Variants in CNTLN observed in about 807,000 individuals in gnomAD.
The protein encoded by CNTLN is centlein, centrosomal protein.
Under a neutral mutation model 180.0 loss-of-function variants are expected in CNTLN, and 212 were observed. That is an observed-to-expected ratio of 1.18 (90% CI 1.05 to 1.32). The LOEUF (loss-of-function observed/expected upper bound fraction) is 1.32, where lower values mean the gene tolerates loss of function less well. CNTLN is among the 40% of genes most tolerant of loss of function. The pLI is 0.00. For synonymous variants in CNTLN, 722 were observed against 563.1 expected (o/e 1.28, Z -3.99); for missense variants, 2,095 against 1,610.9 (o/e 1.30, Z -5.14).
intron 6 of CNTLN, among the ~76,000 whole-genome samples, chr9:17,274,077 C>T (rs536738482): frequency 3.3e-5 from 5 of 152,146 alleles, no homozygotes; most frequent in South Asian, 2.1e-4. Context: ...CGAGCATGGT[C>T]AAGGGGTACC....
chr9:17,325,590 T>C (rs1191107359), intron 8 of CNTLN, among the ~76,000 whole-genome samples: 1 of 148,414 alleles, frequency 6.7e-6, no homozygotes, highest in African/African-American at 2.5e-5. Context: ...CACACACACT[T>C]GACCCGTACT....
At chr9:17,350,113 AG>A (rs2133283444) in intron 12 of CNTLN, among the ~76,000 whole-genome samples, 1 of 152,374 alleles carries the variant, frequency 6.6e-6, no homozygotes, top group East Asian at 1.9e-4. Flanking sequence ...TGAAAGTATT[AG>A]TAAAAAAAGT....
chr9:17,477,244 A>C (rs931185546), intron 23 of CNTLN, among the ~76,000 whole-genome samples: 1 of 152,192 alleles, frequency 6.6e-6, no homozygotes, highest in African/African-American at 2.4e-5. Flanking sequence ...TAGTCACCCA[A>C]GAGCTTTGAT....
At chr9:17,453,523 A>G (rs1830923295) in intron 18 of CNTLN, among the ~76,000 whole-genome samples, 1 of 152,154 alleles carries the variant, frequency 6.6e-6, no homozygotes, top group South Asian at 2.1e-4. Flanking sequence ...ATCAGGACCC[A>G]TATTAATTTT....
intron 2 of CNTLN, among the ~76,000 whole-genome samples, chr9:17,172,722 G>C (rs1230744075): frequency 1.3e-5 from 2 of 151,978 alleles, no homozygotes; most frequent in Admixed American, 6.6e-5. Context: ...CTTAGAAAAG[G>C]CTGAACTTAG....
At chr9:17,453,491 A>G (rs984033111) in intron 18 of CNTLN, among the ~76,000 whole-genome samples, 4 of 152,204 alleles carry the variant, frequency 2.6e-5, no homozygotes, top group African/African-American at 9.7e-5. Flanking sequence ...AATAAGTTCT[A>G]GAAAGGTGTT....
intron 21 of CNTLN, 53 bp downstream of exon 21, chr9:17,464,676 A>G (rs1395820703): frequency 9.0e-7 from 1 of 1,116,086 alleles, no homozygotes; most frequent in Non-Finnish European, 1.3e-6. Flanking sequence ...TGTTGTAATT[A>G]CTCTCTTACC....
chr9:17,369,776 C>G (rs372488895), intron 13 of CNTLN, among the ~76,000 whole-genome samples: 28 of 151,634 alleles, frequency 1.8e-4, no homozygotes, highest in African/African-American at 6.3e-4. Context: ...CACCTAATGT[C>G]AGGAATTTGA....
chr9:17,276,835 A>G (rs1193724632), intron 6 of CNTLN, among the ~76,000 whole-genome samples: 1 of 151,924 alleles, frequency 6.6e-6, no homozygotes, highest in East Asian at 1.9e-4. Context: ...GTTATACTGT[A>G]TTTTTTGTTT....
At chr9:17,265,346 T>C (rs1186063751) in intron 5 of CNTLN, among the ~76,000 whole-genome samples, 3 of 152,240 alleles carry the variant, frequency 2.0e-5, no homozygotes, top group Admixed American at 6.5e-5. Context: ...ATTACACTTA[T>C]TGATTTGCGT....
intron 8 of CNTLN, among the ~76,000 whole-genome samples, chr9:17,319,801 T>C (rs915615740): frequency 8.5e-5 from 13 of 152,256 alleles, no homozygotes; most frequent in Admixed American, 2.0e-4. Flanking sequence ...ATTTTTTTTT[T>C]CTTATATTGG....
chr9:17,156,270 A>G (rs1819281966), intron 2 of CNTLN, among the ~76,000 whole-genome samples: 1 of 152,232 alleles, frequency 6.6e-6, no homozygotes, highest in Non-Finnish European at 1.5e-5. Context: ...GAATCCATGA[A>G]TAAGGACTAT....
intron 13 of CNTLN, among the ~76,000 whole-genome samples, chr9:17,385,772 A>G (rs906209611): frequency 2.6e-5 from 4 of 152,198 alleles, no homozygotes; most frequent in Admixed American, 2.6e-4. Context: ...ATTAGTTATT[A>G]TAAGTAATAT....
chr9:17,143,489 A>G (rs1465331481), intron 2 of CNTLN, 113 bp downstream of exon 2: 13 of 785,480 alleles, frequency 1.7e-5, no homozygotes, highest in Non-Finnish European at 2.6e-5. Context: ...TTAATTTCTG[A>G]ATAAATGTGG....
intron 7 of CNTLN, among the ~76,000 whole-genome samples, chr9:17,303,618 A>G (rs944006138): frequency 6.6e-6 from 1 of 151,990 alleles, no homozygotes; most frequent in Non-Finnish European, 1.5e-5. Flanking sequence ...GAATGATCAC[A>G]TTGCCTTATT....
chr9:17,138,574 A>C (rs1347999592), intron 1 of CNTLN, among the ~76,000 whole-genome samples: 1 of 152,212 alleles, frequency 6.6e-6, no homozygotes, highest in African/African-American at 2.4e-5. Flanking sequence ...GTGTAATTCC[A>C]CCAGTTGTTT....
intron 15 of CNTLN, 99 bp downstream of exon 15, chr9:17,395,168 T>G: frequency 6.9e-7 from 1 of 1,449,022 alleles, no homozygotes; most frequent in South Asian, 1.5e-5. Flanking sequence ...GATTTGGTAT[T>G]CAGAAAAAAT....
In CNTLN at chr9:17,170,022, C is replaced by A. The variant is rs181506520; in HGVS notation, c.449+26646C>A. Among the ~76,000 whole-genome samples, 338 of 152,182 alleles carry A rather than the reference C, an allele frequency of 2.2e-3. 1 individual carries two copies. The highest frequency in any genetic ancestry group is 3.4e-3 in the Middle Eastern group (1 of 292). ...TTTTAGCAATAACCATCCTTCGAAT[C>A]CATGAGCTATTTTTCCAGTTATTTG... On this transcript the variant is annotated intron_variant, in intron 2 of 25. Coordinates refer to ENST00000380647, the MANE Select transcript of CNTLN (RefSeq NM_017738.4).
intron 5 of CNTLN, among the ~76,000 whole-genome samples, chr9:17,245,855 C>A (rs1047409406): frequency 2.0e-5 from 3 of 151,930 alleles, no homozygotes; most frequent in African/African-American, 7.2e-5. Flanking sequence ...ATGTCAGTTA[C>A]ATTTTTCAGT....
Sources: gnomAD v4.1 joint callset for allele counts (sites outside exome capture counted in the v4.1 genomes callset) on GRCh38, gnomAD v4.1.1 for gene constraint, MANE v1.5 for transcripts, NCBI Gene and HGNC (gene_info 2026-07-23, HGNC 2026-07-21) for gene names.